CSMD3: variants seen among roughly 807,000 people sequenced by gnomAD.
The protein encoded by CSMD3 is CUB and Sushi multiple domains 3.
In CSMD3, 177 loss-of-function variants were observed where a neutral mutation model predicts 435.2. The ratio of observed to expected loss-of-function variants is 0.41; its 90% CI spans 0.36 to 0.46. The LOEUF (loss-of-function observed/expected upper bound fraction) is 0.46. CSMD3 is among the 20% of genes least tolerant of loss of function. The probability of loss-of-function intolerance (pLI) is 0.34; values close to 1 mark genes in which losing one functional copy is unlikely to be tolerated. For synonymous variants in CSMD3, 1,656 were observed against 1,520.5 expected (o/e 1.09, Z -2.07); for missense variants, 4,265 against 4,504.6 (o/e 0.95, Z 1.52).
intron 10 of CSMD3, among the ~76,000 whole-genome samples, chr8:112,891,973 T>G (rs950373303): frequency 6.6e-6 from 1 of 151,532 alleles, no homozygotes; most frequent in Non-Finnish European, 1.5e-5. Context: ...TATAAAATTA[T>G]GTATACTACA....
At chr8:112,747,406 G>T (rs917860256) in intron 13 of CSMD3, among the ~76,000 whole-genome samples, 1 of 151,762 alleles carries the variant, frequency 6.6e-6, no homozygotes, top group African/African-American at 2.4e-5. Context: ...TAAAAGGAAA[G>T]AAGTGAGAAT....
At chr8:113,377,899 C>T (rs902241606) in intron 1 of CSMD3, among the ~76,000 whole-genome samples, 12 of 152,078 alleles carry the variant, frequency 7.9e-5, no homozygotes, top group African/African-American at 2.7e-4. Flanking sequence ...AAAAAATAAA[C>T]GAGGAGCACG....
At position 112,237,211 on chromosome 8, in the gene CSMD3, T is replaced by C. The variant is rs1296366152; in HGVS notation, c.10606A>G (p.Asn3536Asp). 2 of 1,613,664 alleles carry C rather than the reference T, an allele frequency of 1.2e-6. No individual in the cohort carries two copies. The highest frequency in any genetic ancestry group is 1.1e-5 in the South Asian group (1 of 91,080). Residue 3536 changes from asparagine to aspartate, a missense_variant, in exon 67 of 71, where the codon AAC becomes GAC. Asn to Asp is a conservative substitution (Grantham distance 23). Around this residue, in one of 3 missense-constraint regions of CSMD3, gnomAD observed 3,255 missense variants for 3,380.2 expected, o/e 0.96. Coordinates refer to ENST00000297405, the MANE Select transcript of CSMD3 (RefSeq NM_198123.2). ...GRVNATLSNS[N>D]MELLLSGVYK... ...ATACCTGAAAGTAGCAGCTCCATGTTGCTATTGCTCAGTGTTGCGTTAACT... is the reference window on the plus strand; with the variant it reads ...ATACCTGAAAGTAGCAGCTCCATGTCGCTATTGCTCAGTGTTGCGTTAACT...
At chr8:112,308,412 A>G (rs555710222) in intron 50 of CSMD3, among the ~76,000 whole-genome samples, 1 of 152,240 alleles carries the variant, frequency 6.6e-6, no homozygotes, top group South Asian at 2.1e-4. Context: ...ATGTGGTTCT[A>G]TTTTAGAACT....
intron 13 of CSMD3, among the ~76,000 whole-genome samples, chr8:112,727,349 CAACATA>C (rs1270113329): frequency 9.2e-5 from 14 of 151,724 alleles, no homozygotes; most frequent in Non-Finnish European, 2.9e-5. Flanking sequence ...ATGAGCAAAG[CAACATA>C]AACATAAAGG....
At chr8:113,153,130 AGAAGGAAG>A (rs35232074) in intron 4 of CSMD3, among the ~76,000 whole-genome samples, 127 of 82,760 alleles carry the variant, frequency 1.5e-3, no homozygotes, top group South Asian at 4.8e-3. Flanking sequence ...AGAAAGAGAA[AGAAGGAAG>A]GAAGGAAGGA....
intron 5 of CSMD3, among the ~76,000 whole-genome samples, chr8:113,040,630 T>C (rs2087565974): frequency 6.6e-6 from 1 of 152,094 alleles, no homozygotes; most frequent in Admixed American, 6.5e-5. Context: ...ATTGGAGAGA[T>C]GGAGAATCCT....
chr8:112,667,619 T>G (rs2075557039), intron 16 of CSMD3, among the ~76,000 whole-genome samples: 1 of 152,122 alleles, frequency 6.6e-6, no homozygotes, highest in Non-Finnish European at 1.5e-5. Context: ...GGGATCTAGC[T>G]GTTGCTTATT....
chr8:113,374,214 G>A (rs1048774478), intron 1 of CSMD3, among the ~76,000 whole-genome samples: 1 of 151,804 alleles, frequency 6.6e-6, no homozygotes, highest in Non-Finnish European at 1.5e-5. Flanking sequence ...AGAAACACAT[G>A]TATTTGAAAA....
intron 10 of CSMD3, among the ~76,000 whole-genome samples, chr8:112,906,447 C>A (rs1435864951): frequency 6.6e-6 from 1 of 151,246 alleles, no homozygotes; most frequent in Non-Finnish European, 1.5e-5. Flanking sequence ...TTCAAAAAAG[C>A]AAGCAAGCAA....
chr8:112,268,220 AAATG>A (rs1817137343), intron 59 of CSMD3, among the ~76,000 whole-genome samples: 1 of 152,188 alleles, frequency 6.6e-6, no homozygotes, highest in African/African-American at 2.4e-5. Flanking sequence ...AAGGATAAAT[AAATG>A]AATGAGTACA....
intron 3 of CSMD3, 87 bp from the exon 4 acceptor site, chr8:113,174,003 T>A: frequency 1.1e-6 from 1 of 929,748 alleles, no homozygotes; most frequent in Non-Finnish European, 1.7e-6. Flanking sequence ...TATGTAGATA[T>A]GGATATTCTT....
At chr8:112,395,184 T>C (rs1317692503) in intron 35 of CSMD3, among the ~76,000 whole-genome samples, 1 of 152,198 alleles carries the variant, frequency 6.6e-6, no homozygotes, top group Non-Finnish European at 1.5e-5. Flanking sequence ...CAATATAATA[T>C]GTGGATTAAT....
chr8:112,899,511 T>C (rs1468557921), intron 10 of CSMD3, among the ~76,000 whole-genome samples: 1 of 143,728 alleles, frequency 7.0e-6, no homozygotes, highest in Non-Finnish European at 1.5e-5. Context: ...TACTATATAT[T>C]TTCTATATAT....
At chr8:113,220,956 C>CA (rs1188784495) in intron 3 of CSMD3, among the ~76,000 whole-genome samples, 1 of 151,110 alleles carries the variant, frequency 6.6e-6, no homozygotes, top group Non-Finnish European at 1.5e-5. Context: ...AGACAAACCC[C>CA]AAATAATAAA....
At chr8:112,359,357 T>C (rs1826951133) in intron 38 of CSMD3, among the ~76,000 whole-genome samples, 1 of 152,164 alleles carries the variant, frequency 6.6e-6, no homozygotes, top group African/African-American at 2.4e-5. Flanking sequence ...CTTAACACAA[T>C]CTGATAATAT....
chr8:112,611,627 G>A, intron 22 of CSMD3, among the ~76,000 whole-genome samples: 1 of 152,028 alleles, frequency 6.6e-6, no homozygotes. Flanking sequence ...CTTTTTAGAT[G>A]GCTGTGTCAT....
Position 112,390,644 on chromosome 8 carries a change from A to G in CSMD3, c.5934+20T>C. On this transcript the variant is annotated intron_variant, in intron 36 of 70. Transcript: ENST00000297405. ...ACTACACACATACAATGAAAAGAAGAAAAACTTAAATATTCTTACTTGAAT... is the reference window on the plus strand; with the variant it reads ...ACTACACACATACAATGAAAAGAAGGAAAACTTAAATATTCTTACTTGAAT... The G allele has an allele frequency of 5.6e-6, 9 of 1,603,096 alleles. No homozygotes were observed. Among genetic ancestry groups the G allele is most frequent in the Non-Finnish European group, 7.7e-6 (9 of 1,170,056 alleles).
chr8:112,546,150 T>TCC (rs1827163465), intron 27 of CSMD3, among the ~76,000 whole-genome samples: 1 of 152,176 alleles, frequency 6.6e-6, no homozygotes, highest in Non-Finnish European at 1.5e-5. Flanking sequence ...GACCTCTGGA[T>TCC]GTATATAAAT....
Sources: gnomAD v4.1 joint callset for allele counts (sites outside exome capture counted in the v4.1 genomes callset) on GRCh38, gnomAD v4.1.1 for gene constraint, gnomAD v4.1.1 regional missense constraint, MANE v1.5 for transcripts, NCBI Gene and HGNC (gene_info 2026-07-23, HGNC 2026-07-21) for gene names.